Variants in TTC28 observed in about 807,000 individuals in gnomAD.
TTC28 encodes the protein tetratricopeptide repeat domain 28, also known as tetratricopeptide repeat protein 28.
A neutral mutation model predicts 198.0 loss-of-function variants in TTC28; 61 were observed. That is an observed-to-expected ratio of 0.31 (90% CI 0.25 to 0.38). The LOEUF is 0.38. Among genes scored for constraint, TTC28 ranks in the 10% least tolerant of loss-of-function variants. TTC28 has a pLI of 1.00. For missense variants in TTC28, 2,678 were observed against 3,164.0 expected (o/e 0.85, Z 3.69); for synonymous variants, 1,171 against 1,297.8 (o/e 0.90, Z 2.10).
intron 5 of TTC28, among the ~76,000 whole-genome samples, chr22:28,250,825 GACAA>G (rs931977201): frequency 3.3e-5 from 5 of 152,128 alleles, no homozygotes; most frequent in Admixed American, 2.0e-4. Context: ...TTATCTGACT[GACAA>G]ACAAACCCTT....
chr22:28,603,428 C>T (rs1601612534), intron 2 of TTC28, among the ~76,000 whole-genome samples: 1 of 151,552 alleles, frequency 6.6e-6, no homozygotes, highest in East Asian at 1.9e-4. Context: ...CACTCTGTAG[C>T]CCAAGCCAGA....
chr22:28,247,842 A>G (rs1432037603), intron 5 of TTC28, among the ~76,000 whole-genome samples: 2 of 152,208 alleles, frequency 1.3e-5, no homozygotes, highest in African/African-American at 2.4e-5. Context: ...GAGGCTGCAG[A>G]GAAGGGAGGA....
intron 2 of TTC28, among the ~76,000 whole-genome samples, chr22:28,333,663 T>A (rs901762386): frequency 7.2e-5 from 11 of 152,124 alleles, no homozygotes; most frequent in Non-Finnish European, 8.8e-5. Flanking sequence ...AAATTACACA[T>A]TTCAGCTCCT....
chr22:28,644,595 C>T (rs982920361), intron 1 of TTC28, among the ~76,000 whole-genome samples: 4 of 152,060 alleles, frequency 2.6e-5, no homozygotes, highest in African/African-American at 9.6e-5. Context: ...GAGGCCAAGA[C>T]GGGCAAATCA....
chr22:28,648,616 A>T (rs2051515873), intron 1 of TTC28, among the ~76,000 whole-genome samples: 1 of 152,220 alleles, frequency 6.6e-6, no homozygotes, highest in African/African-American at 2.4e-5. Flanking sequence ...TGAGGGAAAA[A>T]AGAAAATGTG....
At chr22:28,374,700 G>C (rs568966905) in intron 2 of TTC28, among the ~76,000 whole-genome samples, 10 of 152,142 alleles carry the variant, frequency 6.6e-5, no homozygotes, top group Non-Finnish European at 8.8e-5. Context: ...TTGTTTGTTT[G>C]AGATGGAGTC....
chr22:28,573,863 A>G (rs944089945), intron 2 of TTC28, among the ~76,000 whole-genome samples: 8 of 150,636 alleles, frequency 5.3e-5, no homozygotes, highest in Admixed American at 2.0e-4. Flanking sequence ...TACCTTTCTC[A>G]GCCTCTGGTA....
At chr22:28,422,605 A>G (rs562079504) in intron 2 of TTC28, among the ~76,000 whole-genome samples, 13 of 151,450 alleles carry the variant, frequency 8.6e-5, no homozygotes, top group Non-Finnish European at 1.6e-4. Context: ...CGCCTGGCTA[A>G]TTTTTTGTAA....
chr22:28,500,619 C>G (rs1313927839), intron 2 of TTC28, among the ~76,000 whole-genome samples: 2 of 152,134 alleles, frequency 1.3e-5, no homozygotes, highest in Non-Finnish European at 2.9e-5. Flanking sequence ...GAATAACATA[C>G]AATCTTGCTA....
chr22:28,087,986 G>C (rs112579176), intron 12 of TTC28, among the ~76,000 whole-genome samples: 91 of 152,170 alleles, frequency 6.0e-4, no homozygotes, highest in Non-Finnish European at 6.0e-4. Context: ...AGGAGAACTA[G>C]AAACCACTGC....
chr22:28,301,510 CTAA>C (rs2045025195), intron 3 of TTC28, among the ~76,000 whole-genome samples: 1 of 152,092 alleles, frequency 6.6e-6, no homozygotes, highest in Non-Finnish European at 1.5e-5. Context: ...GTAGCAGAGG[CTAA>C]TAATAAGCAA....
At chr22:28,557,716 G>T (rs1027300777) in intron 2 of TTC28, among the ~76,000 whole-genome samples, 1 of 152,026 alleles carries the variant, frequency 6.6e-6, no homozygotes, top group African/African-American at 2.4e-5. Flanking sequence ...TGGTCATCTT[G>T]GATTGTGACT....
chr22:28,342,674 T>C (rs1044008096), intron 2 of TTC28, among the ~76,000 whole-genome samples: 4 of 152,188 alleles, frequency 2.6e-5, no homozygotes, highest in Admixed American at 6.6e-5. Context: ...TGAAAAATCA[T>C]GTGTTAAGAG....
chr22:28,527,869 G>C (rs999797107), intron 2 of TTC28, among the ~76,000 whole-genome samples: 1 of 152,092 alleles, frequency 6.6e-6, no homozygotes, highest in Non-Finnish European at 1.5e-5. Context: ...CTAGCCTCAA[G>C]TGATCCTCCC....
chr22:28,623,015 G>C (rs914114198), intron 2 of TTC28, among the ~76,000 whole-genome samples: 1 of 152,030 alleles, frequency 6.6e-6, no homozygotes. Flanking sequence ...TAGAGATGGG[G>C]TTTTGCCATG....
At chr22:28,020,237 C>A (rs1938536983) in intron 13 of TTC28, among the ~76,000 whole-genome samples, 1 of 152,266 alleles carries the variant, frequency 6.6e-6, no homozygotes. Context: ...TTCTCACAGT[C>A]TGTCCCATGG....
rs1936983149 is a variant in TTC28 at position 27,980,813 on chromosome 22, C to T, written c.*1408G>A. ...AAAATAAATTAATGGTTACCCCTAA[C>T]TAGATGATTCCCTTGTCTTGCCTCA... On this transcript the variant is annotated 3_prime_UTR_variant, in exon 23 of 23. Coordinates refer to ENST00000397906, the MANE Select transcript of TTC28 (RefSeq NM_001145418.2). 1 of 152,270 alleles carries T rather than the reference C, an allele frequency of 6.6e-6. No homozygotes were observed. Among genetic ancestry groups the T allele is most frequent in the African/African-American group, 2.4e-5 (1 of 41,472 alleles). 9.4% of individuals were successfully genotyped at this position (152,270 alleles called of 1,614,324 possible). A position where few individuals can be genotyped will look rare whatever the true frequency, so the allele number is the denominator to read the frequency against.
At chr22:28,001,149 G>A in intron 15 of TTC28, 1 of 520,874 alleles carries the variant, frequency 1.9e-6, no homozygotes, top group Non-Finnish European at 3.4e-6. Flanking sequence ...GACACAAACT[G>A]TGGCTTCCCA....
In TTC28 at chr22:28,505,495, C is replaced by A. The variant is rs180959859; in HGVS notation, c.381+124057G>T. ...CAGCCCACCCAGGAATGGCACAGAG[C>A]CAAAGGAACCCCCACCCCCAGCCAA... On this transcript the variant is annotated intron_variant, in intron 2 of 22. Coordinates refer to ENST00000397906, the MANE Select transcript of TTC28 (RefSeq NM_001145418.2). 7.9e-5 allele frequency among the ~76,000 whole-genome samples: 12 copies of A among 152,118 alleles called. No individual in the cohort carries two copies. The South Asian group carries it at 8.3e-4, about 11-fold the overall frequency.
Sources: allele counts gnomAD v4.1 joint callset (sites outside exome capture counted in the v4.1 genomes callset), GRCh38; gene constraint gnomAD v4.1.1; transcripts MANE v1.5; gene names NCBI Gene and HGNC (gene_info 2026-07-23, HGNC 2026-07-21).